Variants in CCSER1 observed in about 807,000 individuals in gnomAD.
The protein encoded by CCSER1 is serine-rich coiled-coil domain-containing protein 1.
A neutral mutation model predicts 82.0 loss-of-function variants in CCSER1; 41 were observed. That is an observed-to-expected ratio of 0.50 (90% confidence interval 0.39 to 0.65). The LOEUF (loss-of-function observed/expected upper bound fraction) is 0.65, where lower values mean the gene tolerates loss of function less well. Ranked by LOEUF, CCSER1 falls within the 30% of genes least tolerant of loss-of-function variation. The pLI is 0.00. For synonymous variants in CCSER1, 414 were observed against 383.9 expected (o/e 1.08, Z -0.92); for missense variants, 1,119 against 1,064.2 (o/e 1.05, Z -0.72).
At chr4:91,072,087 G>C (rs1023653993) in intron 9 of CCSER1, among the ~76,000 whole-genome samples, 1 of 152,082 alleles carries the variant, frequency 6.6e-6, no homozygotes, top group Non-Finnish European at 1.5e-5. Flanking sequence ...AAACTCTACT[G>C]TATGAAACCT....
intron 10 of CCSER1, among the ~76,000 whole-genome samples, chr4:91,413,454 T>C (rs1341623740): frequency 6.6e-6 from 1 of 151,052 alleles, no homozygotes; most frequent in Non-Finnish European, 1.5e-5. Flanking sequence ...AGTGAGACCA[T>C]GTCTCTCAAA....
intron 8 of CCSER1, among the ~76,000 whole-genome samples, chr4:90,916,611 C>T (rs933763177): frequency 6.6e-6 from 1 of 152,138 alleles, no homozygotes; most frequent in African/African-American, 2.4e-5. Context: ...TGGGCAAGGA[C>T]TTCATGTCTA....
chr4:91,178,463 A>G (rs377076190), intron 10 of CCSER1, among the ~76,000 whole-genome samples: 2 of 152,114 alleles, frequency 1.3e-5, no homozygotes, highest in Non-Finnish European at 2.9e-5. Flanking sequence ...GTAGGTCACT[A>G]AGGACTTGCT....
intron 7 of CCSER1, among the ~76,000 whole-genome samples, chr4:90,764,970 C>T (rs1415235675): frequency 6.6e-6 from 1 of 152,068 alleles, no homozygotes; most frequent in Non-Finnish European, 1.5e-5. Context: ...TATGAGGTCT[C>T]TCACTATTGT....
chr4:91,186,873 G>A (rs1734590933), intron 10 of CCSER1, among the ~76,000 whole-genome samples: 1 of 152,182 alleles, frequency 6.6e-6, no homozygotes, highest in Non-Finnish European at 1.5e-5. Context: ...CCCTGGGAGG[G>A]CCAGGTGTTC....
intron 10 of CCSER1, among the ~76,000 whole-genome samples, chr4:91,276,055 C>T (rs1742411761): frequency 6.6e-6 from 1 of 152,036 alleles, no homozygotes. Flanking sequence ...ATTGTTATTA[C>T]TCTAGGCTTG....
intron 5 of CCSER1, among the ~76,000 whole-genome samples, chr4:90,534,275 G>A (rs370767190): frequency 6.6e-6 from 1 of 152,062 alleles, no homozygotes. Context: ...GACTACAGGC[G>A]CCCGCCACCA....
intron 7 of CCSER1, among the ~76,000 whole-genome samples, chr4:90,785,583 T>C (rs1283507173): frequency 4.6e-5 from 7 of 152,328 alleles, no homozygotes; most frequent in African/African-American, 1.7e-4. Context: ...AAATACAGTT[T>C]CTATGTTCGA....
chr4:90,454,234 T>G (rs1761881933), intron 4 of CCSER1, among the ~76,000 whole-genome samples: 1 of 151,710 alleles, frequency 6.6e-6, no homozygotes, highest in Non-Finnish European at 1.5e-5. Context: ...TCATGTTTTT[T>G]TTTTTTTTTT....
At chr4:90,756,100 C>G (rs1749477123) in intron 7 of CCSER1, among the ~76,000 whole-genome samples, 1 of 152,028 alleles carries the variant, frequency 6.6e-6, no homozygotes, top group Admixed American at 6.6e-5. Flanking sequence ...TGGTGGCAGG[C>G]ACCTGTAATC....
chr4:91,129,217 A>G (rs1727786655), intron 10 of CCSER1, among the ~76,000 whole-genome samples: 1 of 152,076 alleles, frequency 6.6e-6, no homozygotes, highest in African/African-American at 2.4e-5. Context: ...TTTGCTGAGG[A>G]TACTGGCACC....
chr4:91,507,391 C>T (rs993910096), intron 10 of CCSER1, among the ~76,000 whole-genome samples: 1 of 152,052 alleles, frequency 6.6e-6, no homozygotes, highest in Non-Finnish European at 1.5e-5. Context: ...TGTTGGACAT[C>T]TTTCATATGC....
intron 1 of CCSER1, among the ~76,000 whole-genome samples, chr4:90,128,070 G>C (rs1396465029): frequency 1.3e-5 from 2 of 152,074 alleles, no homozygotes; most frequent in Non-Finnish European, 2.9e-5. Flanking sequence ...CTCCCAGTGC[G>C]CCGCGTGGCC....
At chr4:90,257,886 A>G (rs889645710) in intron 1 of CCSER1, among the ~76,000 whole-genome samples, 5 of 152,182 alleles carry the variant, frequency 3.3e-5, no homozygotes, top group African/African-American at 1.2e-4. Flanking sequence ...CCCCACTCAT[A>G]TTGGAGAAGG....
intron 1 of CCSER1, among the ~76,000 whole-genome samples, chr4:90,233,871 A>T (rs1322496256): frequency 6.6e-6 from 1 of 152,198 alleles, no homozygotes; most frequent in East Asian, 1.9e-4. Context: ...ACATAACAAC[A>T]TAAATAATAA....
chr4:91,514,312 C>A (rs187098299), intron 10 of CCSER1, among the ~76,000 whole-genome samples: 1 of 152,198 alleles, frequency 6.6e-6, no homozygotes, highest in African/African-American at 2.4e-5. Flanking sequence ...CCGCTGCAAT[C>A]CCAGAATATG....
chr4:91,253,059 A>T (rs1740383300), intron 10 of CCSER1, among the ~76,000 whole-genome samples: 1 of 151,780 alleles, frequency 6.6e-6, no homozygotes, highest in African/African-American at 2.4e-5. Flanking sequence ...ACCCTTGAAC[A>T]GCATGGGCTT....
At chr4:91,322,069 T>G (rs1254275841) in intron 10 of CCSER1, among the ~76,000 whole-genome samples, 1 of 152,074 alleles carries the variant, frequency 6.6e-6, no homozygotes, top group African/African-American at 2.4e-5. Context: ...AATGAATGAA[T>G]TATTTAAAAT....
intron 7 of CCSER1, among the ~76,000 whole-genome samples, chr4:90,780,093 T>C (rs1753540868): frequency 1.3e-5 from 2 of 152,324 alleles, no homozygotes; most frequent in East Asian, 3.9e-4. Flanking sequence ...AGGTATCTTT[T>C]TATTTACTGT....
Sources: allele counts gnomAD v4.1 joint callset (sites outside exome capture counted in the v4.1 genomes callset), GRCh38; gene constraint gnomAD v4.1.1; transcripts MANE v1.5; gene names NCBI Gene and HGNC (gene_info 2026-07-23, HGNC 2026-07-21).